The following RBFOX1 variants were observed in gnomAD, a reference collection of about 807,000 sequenced individuals.
RBFOX1 encodes the protein RNA binding fox-1 homolog 1, also known as RNA binding protein fox-1 homolog 1.
A neutral mutation model predicts 57.7 loss-of-function variants in RBFOX1; 8 were observed. That is an observed-to-expected ratio of 0.14 (90% confidence interval 0.08 to 0.25). RBFOX1 has a LOEUF of 0.25. Among genes scored for constraint, RBFOX1 ranks in the 10% least tolerant of loss-of-function variants. The pLI, the probability that RBFOX1 is intolerant of heterozygous loss-of-function variation, is 1.00. For missense variants in RBFOX1, 611 were observed against 548.5 expected, an observed-to-expected ratio of 1.11 and a Z score of -1.14; for synonymous variants, 326 against 222.4, an observed-to-expected ratio of 1.47 and a Z score of -4.15.
chr16:7,628,997 A>G (rs1295804800), intron 10 of RBFOX1, among the ~76,000 whole-genome samples: 1 of 152,132 alleles, frequency 6.6e-6, no homozygotes, highest in Non-Finnish European at 1.5e-5. Context: ...CTCTTGATAT[A>G]TTTACTACCC....
intron 2 of RBFOX1, among the ~76,000 whole-genome samples, chr16:6,541,231 G>C (rs758384142): frequency 2.6e-5 from 4 of 152,210 alleles, no homozygotes; most frequent in Non-Finnish European, 5.9e-5. Flanking sequence ...AAGGGAGACA[G>C]ACTGTAGTCT....
intron 3 of RBFOX1, among the ~76,000 whole-genome samples, chr16:5,814,519 A>T (rs187579796): frequency 6.6e-6 from 1 of 152,366 alleles, no homozygotes; most frequent in South Asian, 2.1e-4. Flanking sequence ...CCCAATTCAC[A>T]GATGAGGAAA....
intron 3 of RBFOX1, among the ~76,000 whole-genome samples, chr16:5,833,775 C>G (rs1170886727): frequency 6.6e-6 from 1 of 152,134 alleles, no homozygotes; most frequent in East Asian, 1.9e-4. Flanking sequence ...CCTTGTCTTT[C>G]TACTTAGTTA....
chr16:7,682,732 G>C (rs139554216), intron 14 of RBFOX1, among the ~76,000 whole-genome samples: 2 of 151,350 alleles, frequency 1.3e-5, no homozygotes, highest in Non-Finnish European at 2.9e-5. Flanking sequence ...GTTTTAGTTA[G>C]AACTCCAGGT....
chr16:5,791,097 G>C (rs2054678256), intron 3 of RBFOX1, among the ~76,000 whole-genome samples: 1 of 151,994 alleles, frequency 6.6e-6, no homozygotes, highest in Admixed American at 6.6e-5. Flanking sequence ...TCAGCTCCTG[G>C]CCTCAAGTGA....
At chr16:7,506,989 A>AT (rs2073541557) in intron 4 of RBFOX1, among the ~76,000 whole-genome samples, 1 of 152,128 alleles carries the variant, frequency 6.6e-6, no homozygotes, top group African/African-American at 2.4e-5. Context: ...ATTCCAGTAG[A>AT]TTTTTCCCTC....
intron 3 of RBFOX1, among the ~76,000 whole-genome samples, chr16:6,855,546 G>C (rs1003969861): frequency 4.6e-5 from 7 of 151,816 alleles, no homozygotes; most frequent in Admixed American, 4.6e-4. Context: ...CCAGCTACTG[G>C]GGAGGCTGAG....
intron 4 of RBFOX1, among the ~76,000 whole-genome samples, chr16:7,432,498 T>A (rs531024764): frequency 3.3e-5 from 5 of 152,338 alleles, no homozygotes; most frequent in East Asian, 3.9e-4. Flanking sequence ...TAGGATTTCT[T>A]GTCTTAACAA....
chr16:6,875,463 G>A (rs529003197), intron 3 of RBFOX1, among the ~76,000 whole-genome samples: 24 of 152,254 alleles, frequency 1.6e-4, no homozygotes, highest in African/African-American at 4.6e-4. Context: ...GATTCGCTGA[G>A]AGTCTTCGAA....
At chr16:7,176,396 C>G (rs1033586572) in intron 4 of RBFOX1, among the ~76,000 whole-genome samples, 1 of 151,818 alleles carries the variant, frequency 6.6e-6, no homozygotes, top group Non-Finnish European at 1.5e-5. Context: ...TATAATTTGA[C>G]CACACACAGT....
At chr16:5,425,300 T>G (rs1699570831) in intron 1 of RBFOX1, among the ~76,000 whole-genome samples, 1 of 152,060 alleles carries the variant, frequency 6.6e-6, no homozygotes, top group Non-Finnish European at 1.5e-5. Context: ...GAGATGTGGC[T>G]TTACCATGTT....
intron 4 of RBFOX1, among the ~76,000 whole-genome samples, chr16:7,241,767 CCTT>C (rs1236909972): frequency 1.3e-5 from 2 of 151,892 alleles, no homozygotes; most frequent in African/African-American, 2.4e-5. Context: ...TCTCATCCCC[CCTT>C]CTTTTTCTCT....
chr16:6,795,712 G>C (rs2083860286), intron 3 of RBFOX1, among the ~76,000 whole-genome samples: 1 of 151,142 alleles, frequency 6.6e-6, no homozygotes, highest in Non-Finnish European at 1.5e-5. Context: ...GTTGCAGTTA[G>C]CCAATGTTGC....
At chr16:6,760,802 G>C (rs1026183072) in intron 3 of RBFOX1, among the ~76,000 whole-genome samples, 1 of 152,190 alleles carries the variant, frequency 6.6e-6, no homozygotes, top group Non-Finnish European at 1.5e-5. Context: ...AGTAGGATCA[G>C]AGATTCCAAC....
chr16:6,482,358 T>G (rs2153098504), intron 2 of RBFOX1, among the ~76,000 whole-genome samples: 1 of 152,348 alleles, frequency 6.6e-6, no homozygotes, highest in Admixed American at 6.5e-5. Context: ...TTTTTCTACA[T>G]CCAAGAGTCA....
chr16:7,182,410 T>C (rs2082902945), intron 4 of RBFOX1, among the ~76,000 whole-genome samples: 1 of 152,216 alleles, frequency 6.6e-6, no homozygotes, highest in Non-Finnish European at 1.5e-5. Context: ...CCTGATGAAT[T>C]CGTTCATGTT....
At chr16:7,705,848 C>T (rs2082262703) in intron 14 of RBFOX1, among the ~76,000 whole-genome samples, 1 of 152,146 alleles carries the variant, frequency 6.6e-6, no homozygotes, top group African/African-American at 2.4e-5. Context: ...AAAGTGGACA[C>T]ATTGAAGATT....
intron 1 of RBFOX1, among the ~76,000 whole-genome samples, chr16:5,311,670 ATGTT>A (rs1181972258): frequency 6.6e-6 from 1 of 152,004 alleles, no homozygotes; most frequent in African/African-American, 2.4e-5. Context: ...ATTTTTTCCT[ATGTT>A]TGTTGGTCAT....
At chr16:6,920,121 A>G (rs1457396145) in intron 3 of RBFOX1, among the ~76,000 whole-genome samples, 1 of 152,100 alleles carries the variant, frequency 6.6e-6, no homozygotes, top group African/African-American at 2.4e-5. Context: ...ATTTTGTTCC[A>G]TTTTATGGCT....
Sources: gnomAD v4.1 joint callset for allele counts (sites outside exome capture counted in the v4.1 genomes callset) on GRCh38, gnomAD v4.1.1 for gene constraint, MANE v1.5 for transcripts, NCBI Gene and HGNC (gene_info 2026-07-23, HGNC 2026-07-21) for gene names.